Variants in TMEM236 observed in about 807,000 individuals in gnomAD.
TMEM236 encodes the protein family with sequence similarity 23, member A.
TMEM236 carries 11 observed loss-of-function variants against 14.7 expected under a neutral mutation model. The ratio of observed to expected loss-of-function variants is 0.75; its 90% CI spans 0.47 to 1.24. The LOEUF (loss-of-function observed/expected upper bound fraction) is 1.24, where lower values mean the gene tolerates loss of function less well. Among genes scored for constraint, TMEM236 ranks in the 50% most tolerant of loss-of-function variants. The pLI, the probability that TMEM236 is intolerant of heterozygous loss-of-function variation, is 0.00. For synonymous variants in TMEM236, 182 were observed against 168.6 expected (o/e 1.08, Z -0.62); for missense variants, 464 against 427.3 (o/e 1.09, Z -0.76).
intron 3 of TMEM236, among the ~76,000 whole-genome samples, chr10:17,787,594 T>C (rs962938913): frequency 2.6e-4 from 39 of 152,214 alleles, no homozygotes; most frequent in Admixed American, 1.5e-3. Context: ...CTCATGCTAA[T>C]AGATTCCAGA....
intron 1 of TMEM236, among the ~76,000 whole-genome samples, chr10:17,761,210 A>G (rs1429833941): frequency 1.3e-5 from 2 of 152,018 alleles, no homozygotes; most frequent in Non-Finnish European, 2.9e-5. Flanking sequence ...CCAAATTTTC[A>G]TATATTCAAA....
intron 2 of TMEM236, among the ~76,000 whole-genome samples, chr10:17,772,389 A>G (rs1837587032): frequency 6.6e-6 from 1 of 152,228 alleles, no homozygotes; most frequent in Non-Finnish European, 1.5e-5. Flanking sequence ...TGCAACAGGG[A>G]ATATTTCAAT....
chr10:17,780,283 C>T (rs1013429646), intron 3 of TMEM236, among the ~76,000 whole-genome samples: 3,216 of 152,118 alleles, frequency 0.021, 114 homozygotes, highest in African/African-American at 0.073. Context: ...TCCTTGCCAT[C>T]GTTAGAGTCC....
intron 1 of TMEM236, among the ~76,000 whole-genome samples, chr10:17,754,297 A>G (rs1837251202): frequency 1.3e-5 from 2 of 152,158 alleles, no homozygotes; most frequent in African/African-American, 4.8e-5. Flanking sequence ...CTTTTAAAAC[A>G]ACTGGTTCCT....
chr10:17,787,009 A>G (rs1837847728), intron 3 of TMEM236, among the ~76,000 whole-genome samples: 1 of 152,186 alleles, frequency 6.6e-6, no homozygotes, highest in Non-Finnish European at 1.5e-5. Flanking sequence ...ACCCTCTGCC[A>G]TGATTGTGAG....
intron 1 of TMEM236, among the ~76,000 whole-genome samples, chr10:17,764,858 G>A (rs1183610441): frequency 2.5e-5 from 1 of 39,582 alleles, no homozygotes; most frequent in Admixed American, 2.6e-4. Flanking sequence ...TTTGAGACGG[G>A]GTCTCATTCT....
At chr10:17,793,762 C>T (rs890812015) in intron 3 of TMEM236, among the ~76,000 whole-genome samples, 2 of 152,138 alleles carry the variant, frequency 1.3e-5, no homozygotes, top group Admixed American at 1.3e-4. Flanking sequence ...GGATTACAGG[C>T]GTGAGCCATC....
At chr10:17,754,840 C>A (rs1837260066) in intron 1 of TMEM236, among the ~76,000 whole-genome samples, 1 of 152,122 alleles carries the variant, frequency 6.6e-6, no homozygotes, top group South Asian at 2.1e-4. Context: ...CCTTTTAGAT[C>A]TTCAGATCTG....
At chr10:17,795,329 C>T (rs1283406207) in intron 3 of TMEM236, among the ~76,000 whole-genome samples, 2 of 152,178 alleles carry the variant, frequency 1.3e-5, no homozygotes, top group Non-Finnish European at 2.9e-5. Flanking sequence ...CTGCCCAATA[C>T]TAACTGCATT....
Position 17,798,696 on chromosome 10 carries a change from A to G in TMEM236, c.*2192A>G, listed in dbSNP as rs1267799908. The G allele has an allele frequency of 1.9e-6, 1 of 534,406 alleles. No individual in the cohort carries two copies. Among genetic ancestry groups the G allele is most frequent in the Non-Finnish European group, 3.8e-6 (1 of 259,926 alleles). 33.1% of individuals were successfully genotyped at this position (534,406 alleles called of 1,614,324 possible). On this transcript the variant is annotated 3_prime_UTR_variant, in exon 4 of 4. Transcript: ENST00000377495. ...TTAAAAGCTTGCCTTCCAGCTTTCT[A>G]ATTTGAGGTAGGTTCTATAACCTCT...
At chr10:17,781,272 T>A (rs1306608538) in intron 3 of TMEM236, among the ~76,000 whole-genome samples, 2 of 152,236 alleles carry the variant, frequency 1.3e-5, no homozygotes, top group African/African-American at 4.8e-5. Flanking sequence ...CGTACCCTCA[T>A]ATCTGCCTAA....
intron 1 of TMEM236, among the ~76,000 whole-genome samples, chr10:17,762,892 A>G (rs1294960338): frequency 6.6e-6 from 1 of 151,552 alleles, no homozygotes; most frequent in Non-Finnish European, 1.5e-5. Context: ...AACTCAGGCA[A>G]TCCATCTGCC....
intron 1 of TMEM236, among the ~76,000 whole-genome samples, chr10:17,763,069 G>T (rs1228294595): frequency 2.6e-5 from 4 of 152,070 alleles, no homozygotes; most frequent in Admixed American, 2.6e-4. Flanking sequence ...TGTGGAGTCT[G>T]GATAGTTGCA....
chr10:17,775,965 T>G (rs1837652448), intron 2 of TMEM236, 64 bp from the exon 3 acceptor site: 1 of 1,590,508 alleles, frequency 6.3e-7, no homozygotes, highest in South Asian at 1.1e-5. Context: ...TTCAGACTAT[T>G]GAAAGCATTT....
At chr10:17,764,477 T>G (rs1837428325) in intron 1 of TMEM236, among the ~76,000 whole-genome samples, 2 of 152,236 alleles carry the variant, frequency 1.3e-5, no homozygotes, top group African/African-American at 4.8e-5. Context: ...TTCAAAGAAG[T>G]GTCTGTTGTA....
intron 1 of TMEM236, among the ~76,000 whole-genome samples, chr10:17,766,597 A>G (rs1317313088): frequency 6.6e-6 from 1 of 152,118 alleles, no homozygotes; most frequent in African/African-American, 2.4e-5. Context: ...CAACTCTCCC[A>G]GTCTCTACTC....
intron 2 of TMEM236, among the ~76,000 whole-genome samples, chr10:17,772,103 G>C (rs1260191478): frequency 1.3e-5 from 2 of 152,196 alleles, no homozygotes; most frequent in East Asian, 1.9e-4. Flanking sequence ...GCCAGGCACT[G>C]TTAGGTACAG....
chr10:17,764,555 G>A (rs1837430187), intron 1 of TMEM236, among the ~76,000 whole-genome samples: 1 of 152,122 alleles, frequency 6.6e-6, no homozygotes, highest in African/African-American at 2.4e-5. Flanking sequence ...CACAAACTTG[G>A]TGGCTTAAAC....
chr10:17,777,128 G>C lies in TMEM236; in HGVS notation c.472+958G>C, dbSNP rs1837669854. On this transcript the variant is annotated intron_variant, in intron 3 of 3. Coordinates refer to ENST00000377495, the MANE Select transcript of TMEM236 (RefSeq NM_001098844.3). Reference sequence around the variant, plus strand: ...CCACTGGGGCTCGTCAGTCATTTATGGGTCAGATATCAGTACCTTCCAGTC... The same window carrying C: ...CCACTGGGGCTCGTCAGTCATTTATCGGTCAGATATCAGTACCTTCCAGTC... Among the ~76,000 whole-genome samples, 3 of 152,260 alleles carry C rather than the reference G, an allele frequency of 2.0e-5. No homozygotes were observed. In the South Asian group the frequency reaches 6.2e-4, roughly 32 times the overall value.
Sources: allele counts gnomAD v4.1 joint callset (sites outside exome capture counted in the v4.1 genomes callset), GRCh38; gene constraint gnomAD v4.1.1; transcripts MANE v1.5; gene names NCBI Gene and HGNC (gene_info 2026-07-23, HGNC 2026-07-21).